RNF32: variants seen among roughly 807,000 people sequenced by gnomAD.
RNF32 encodes the protein ring finger protein 32.
Under a neutral mutation model 41.0 loss-of-function variants are expected in RNF32, and 36 were observed. The ratio of observed to expected loss-of-function variants is 0.88; its 90% CI spans 0.67 to 1.16. RNF32 has a LOEUF of 1.16. RNF32 is among the 50% of genes most tolerant of loss of function. RNF32 has a pLI of 0.00. For missense variants in RNF32, 413 were observed against 436.7 expected, an observed-to-expected ratio of 0.95 and a Z score of 0.48; for synonymous variants, 154 against 160.9, an observed-to-expected ratio of 0.96 and a Z score of 0.32.
chr7:156,643,094 T>G (rs2131323860), intron 1 of RNF32: 1 of 152,312 alleles, frequency 6.6e-6, no homozygotes, highest in East Asian at 1.9e-4. Context: ...AAGAGTAAGT[T>G]CTGTGTGAAA....
intron 3 of RNF32, among the ~76,000 whole-genome samples, chr7:156,648,442 A>G (rs1320905843): frequency 1.3e-5 from 2 of 152,172 alleles, no homozygotes; most frequent in African/African-American, 4.8e-5. Context: ...CTTCTGTTGT[A>G]CCTGTATGGT....
At chr7:156,674,263 C>T (rs188142238) in intron 7 of RNF32, among the ~76,000 whole-genome samples, 7 of 152,182 alleles carry the variant, frequency 4.6e-5, no homozygotes, top group African/African-American at 1.2e-4. Flanking sequence ...TGCCACCCCC[C>T]GGGCCTGGAG....
chr7:156,671,662 A>T (rs1290012830), intron 7 of RNF32, among the ~76,000 whole-genome samples: 1 of 152,162 alleles, frequency 6.6e-6, no homozygotes, highest in Non-Finnish European at 1.5e-5. Flanking sequence ...TGTTTGCGGT[A>T]CAGGCGGTCC....
In RNF32 at chr7:156,676,405, C is replaced by G; in HGVS notation, c.853-14C>G. 1.2e-6 allele frequency: 2 copies of G among 1,614,070 alleles called. No homozygotes were observed. Among genetic ancestry groups the G allele is most frequent in the South Asian group, 2.2e-5 (2 of 91,078 alleles). On this transcript the variant is annotated splice_polypyrimidine_tract_variant and intron_variant, in intron 8 of 8. Coordinates refer to ENST00000317955, the MANE Select transcript of RNF32 (RefSeq NM_030936.4). Reference sequence around the variant, plus strand: ...ACTAACCCGCGTGGCCTCTTCCCGTCCTGTGTGCCGCAGGCTCTGCGCCGG... The same window carrying G: ...ACTAACCCGCGTGGCCTCTTCCCGTGCTGTGTGCCGCAGGCTCTGCGCCGG...
chr7:156,659,108 A>C, intron 7 of RNF32: 3 of 1,354,022 alleles, frequency 2.2e-6, no homozygotes, highest in Non-Finnish European at 2.8e-6. Flanking sequence ...CTTATTTAAC[A>C]ATTTCCCATT....
chr7:156,657,983 GCCT>G (rs1168113371), intron 5 of RNF32, 142 bp from the exon 6 acceptor site: 44 of 778,128 alleles, frequency 5.7e-5, no homozygotes, highest in Non-Finnish European at 2.5e-5. Context: ...ACCTGATGAA[GCCT>G]CCTCACTTTA....
At chr7:156,647,606 G>C (rs189929308) in intron 3 of RNF32, among the ~76,000 whole-genome samples, 4 of 152,226 alleles carry the variant, frequency 2.6e-5, no homozygotes, top group Admixed American at 1.3e-4. Flanking sequence ...GGTTGGTTCC[G>C]TATCTTTGCA....
intron 3 of RNF32, among the ~76,000 whole-genome samples, chr7:156,651,933 T>G (rs965802831): frequency 1.3e-5 from 2 of 152,118 alleles, no homozygotes; most frequent in Admixed American, 1.3e-4. Context: ...CCGGGCTCCC[T>G]CTTGAGCAGC....
At chr7:156,652,062 T>C (rs1042366626) in intron 3 of RNF32, among the ~76,000 whole-genome samples, 1 of 152,034 alleles carries the variant, frequency 6.6e-6, no homozygotes, top group African/African-American at 2.4e-5. Flanking sequence ...CCTGGAGGAG[T>C]GCGGAGGAGA....
chr7:156,642,548 G>A (rs1342897351), intron 1 of RNF32, among the ~76,000 whole-genome samples: 2 of 152,254 alleles, frequency 1.3e-5, no homozygotes, highest in Non-Finnish European at 2.9e-5. Flanking sequence ...GCATCTCTGT[G>A]TGAATACCGT....
chr7:156,675,686 T>C lies in RNF32; in HGVS notation c.685-10T>C, dbSNP rs760623812. On this transcript the variant is annotated splice_polypyrimidine_tract_variant and intron_variant, in intron 7 of 8. Transcript: ENST00000317955. ...AGGTGTGAGCTTACCCGCCCCCGCC[T>C]CCTCCTCAGTTCACAGAAATCAGCC... is the stretch of plus-strand genomic sequence containing the variant. The C allele has an allele frequency of 4.1e-5, 50 of 1,220,336 alleles. No individual in the cohort carries two copies. Among genetic ancestry groups the C allele is most frequent in the Middle Eastern group, 2.0e-4 (1 of 4,916 alleles). The allele number at this position is 1,220,336 out of a possible 1,614,324, so 75.6% of individuals were successfully genotyped here. A position where few individuals can be genotyped will look rare whatever the true frequency, so the allele number is the denominator to read the frequency against.
chr7:156,655,722 C>A (rs1339637101), intron 4 of RNF32, among the ~76,000 whole-genome samples: 1 of 152,206 alleles, frequency 6.6e-6, no homozygotes, highest in Non-Finnish European at 1.5e-5. Flanking sequence ...CCTAATCTTA[C>A]ATATGTGAAA....
At chr7:156,644,449 G>A in intron 2 of RNF32, 50 bp from the exon 3 acceptor site, 2 of 1,401,634 alleles carry the variant, frequency 1.4e-6, no homozygotes, top group South Asian at 1.2e-5. Flanking sequence ...TCTTCTAAAT[G>A]ATATATTACA....
chr7:156,660,901 T>C (rs561186091), intron 7 of RNF32, among the ~76,000 whole-genome samples: 1 of 152,306 alleles, frequency 6.6e-6, no homozygotes, highest in East Asian at 1.9e-4. Flanking sequence ...AAGTTATACA[T>C]TGGTTTGGCC....
At chr7:156,657,218 C>T (rs1433593195) in intron 4 of RNF32, among the ~76,000 whole-genome samples, 3 of 152,176 alleles carry the variant, frequency 2.0e-5, no homozygotes, top group Non-Finnish European at 4.4e-5. Context: ...CCCTCCTCAC[C>T]CCTCCAGTTT....
At chr7:156,656,922 C>T (rs1273914423) in intron 4 of RNF32, among the ~76,000 whole-genome samples, 1 of 152,198 alleles carries the variant, frequency 6.6e-6, no homozygotes, top group Non-Finnish European at 1.5e-5. Context: ...GTACCCACTG[C>T]CTTCTTCTTC....
rs1802346383 is a variant in RNF32, at chr7:156,670,932, C to CACT, written c.685-4764_685-4763insACT. On this transcript the variant is annotated intron_variant, in intron 7 of 8. Transcript: ENST00000317955. This position sits in a 1 kb window ranked among gnomAD's most constrained non-coding sequence, Gnocchi z 4.3. ...TAAATCTAATAGACATTGATTCCAC[C>CACT]GAACAAGAAAACTCATGTCTCAGGT... 6.6e-6 allele frequency among the ~76,000 whole-genome samples: 1 copy of CACT among 151,814 alleles called. No individual in the cohort carries two copies. Among genetic ancestry groups the CACT allele is most frequent in the African/African-American group, 2.4e-5 (1 of 41,262 alleles).
At chr7:156,661,329 T>C (rs1358516241) in intron 7 of RNF32, among the ~76,000 whole-genome samples, 1 of 151,646 alleles carries the variant, frequency 6.6e-6, no homozygotes, top group East Asian at 1.9e-4. Context: ...AGGATTTTTT[T>C]TTTTTTTTGA....
Position 156,658,122 on chromosome 7 carries a change from C to T in RNF32, c.451-6C>T. On this transcript the variant is annotated splice_polypyrimidine_tract_variant and splice_region_variant and intron_variant, in intron 5 of 8. Transcript: ENST00000317955. ...GTAAAATTTTAAGTGAAATGTTTTT[C>T]TTCAGGCATGTCTTCAGGCTTTTGA... 1 of 1,606,824 alleles carries T rather than the reference C, an allele frequency of 6.2e-7. No individual in the cohort carries two copies. The highest frequency in any genetic ancestry group is 2.2e-5 in the East Asian group (1 of 44,858).
Sources: gnomAD v4.1 joint callset for allele counts (sites outside exome capture counted in the v4.1 genomes callset) on GRCh38, gnomAD v4.1.1 for gene constraint, Gnocchi (gnomAD v3.1) non-coding constraint, MANE v1.5 for transcripts, NCBI Gene and HGNC (gene_info 2026-07-23, HGNC 2026-07-21) for gene names.